Variants in ASAP1 observed in about 807,000 individuals in gnomAD.
The protein encoded by ASAP1 is ArfGAP with SH3 domain, ankyrin repeat and PH domain 1.
In ASAP1, 43 loss-of-function variants were observed where a neutral mutation model predicts 145.2. The observed-to-expected ratio is 0.30, with a 90% CI of 0.23 to 0.38. The LOEUF (loss-of-function observed/expected upper bound fraction) is 0.38. Ranked by LOEUF, ASAP1 falls within the 10% of genes least tolerant of loss-of-function variation. The pLI, the probability that ASAP1 is intolerant of heterozygous loss-of-function variation, is 1.00. For synonymous variants in ASAP1, 546 were observed against 515.5 expected (o/e 1.06, Z -0.80); for missense variants, 1,018 against 1,355.3 (o/e 0.75, Z 3.91).
At chr8:130,112,371 A>G (rs781728885) in intron 23 of ASAP1, 49 bp from the exon 24 acceptor site, 35 of 1,557,032 alleles carry the variant, frequency 2.2e-5, no homozygotes, top group Middle Eastern at 1.7e-4. Flanking sequence ...ACCACCCTTC[A>G]TGTGTACAGA....
At chr8:130,097,160 A>C (rs1042758957) in intron 24 of ASAP1, among the ~76,000 whole-genome samples, 4 of 133,936 alleles carry the variant, frequency 3.0e-5, no homozygotes, top group Non-Finnish European at 6.3e-5. Context: ...AAAAAAAAAA[A>C]AGTCCTTGAA....
At chr8:130,426,975 C>T (rs1034026236) in intron 1 of ASAP1, among the ~76,000 whole-genome samples, 9 of 152,256 alleles carry the variant, frequency 5.9e-5, no homozygotes, top group African/African-American at 1.7e-4. Context: ...AGAATACCAC[C>T]GGCATGCAAT....
At chr8:130,174,841 A>G (rs557671295) in intron 9 of ASAP1, among the ~76,000 whole-genome samples, 2 of 152,372 alleles carry the variant, frequency 1.3e-5, no homozygotes, top group South Asian at 4.1e-4. Context: ...CACATTCAGC[A>G]TTGTGGCTGA....
rs761366499 is a variant in ASAP1, at chr8:130,118,667, C to T, written c.1616G>A (p.Arg539Gln). 1.2e-6 allele frequency: 2 copies of T among 1,607,346 alleles called. No homozygotes were observed. Among genetic ancestry groups the T allele is most frequent in the Non-Finnish European group, 8.5e-7 (1 of 1,175,558 alleles). ...ATACTTTGCAGTGATATATTCTTTT[C>T]GTACAGTCCTAAAACAGAACAAAAT... ...KPTPSSDMTV[R>Q]KEYITAKYVD... Residue 539 changes from arginine to glutamine, a missense_variant, in exon 19 of 30, where the codon CGA becomes CAA. Around this residue, in one of 9 missense-constraint regions of ASAP1, gnomAD observed 153 missense variants for 221.6 expected, o/e 0.69. Transcript: ENST00000518721.
intron 3 of ASAP1, among the ~76,000 whole-genome samples, chr8:130,279,655 T>C (rs1389555816): frequency 6.6e-6 from 1 of 152,226 alleles, no homozygotes; most frequent in East Asian, 1.9e-4. Context: ...TAGACTTGAC[T>C]AGATAATTTC....
intron 1 of ASAP1, among the ~76,000 whole-genome samples, chr8:130,440,993 C>CA (rs1436095558): frequency 6.6e-6 from 1 of 152,224 alleles, no homozygotes; most frequent in East Asian, 1.9e-4. Flanking sequence ...TCCAGAAGGG[C>CA]AGTGCCAGGT....
At position 130,256,738 on chromosome 8, in the gene ASAP1, CTTATATATATATATATATATAT is replaced by C. The variant is rs1385608683; in HGVS notation, c.187-19766_187-19745del. ...AATCTTCTTCCTGAATATACACATT[CTTATATATATATATATATATAT>C]ATATATATATATATATATATATCCT... On this transcript the variant is annotated intron_variant, in intron 3 of 29. Transcript: ENST00000518721. Among the ~76,000 whole-genome samples, 70 of 70,820 alleles carry C rather than the reference CTTATATATATATATATATATAT, an allele frequency of 9.9e-4. 2 individuals carry two copies. Among genetic ancestry groups the C allele is most frequent in the African/African-American group, 3.6e-3 (55 of 15,252 alleles). 46.5% of individuals were successfully genotyped at this position (70,820 alleles called of 152,430 possible). A position where few individuals can be genotyped will look rare whatever the true frequency, so the allele number is the denominator to read the frequency against.
intron 1 of ASAP1, 50 bp from the exon 2 acceptor site, chr8:130,402,020 GGGCA>G: frequency 7.9e-7 from 1 of 1,260,166 alleles, no homozygotes; most frequent in Non-Finnish European, 1.1e-6. Context: ...CGGTGAAACT[GGGCA>G]GAAGACATTG....
At chr8:130,173,199 G>A (rs1367845692) in intron 9 of ASAP1, among the ~76,000 whole-genome samples, 1 of 152,222 alleles carries the variant, frequency 6.6e-6, no homozygotes, top group Non-Finnish European at 1.5e-5. Flanking sequence ...GTAAGAAATA[G>A]GAGCAGGAAA....
chr8:130,066,435 T>C (rs1301825143), intron 27 of ASAP1, among the ~76,000 whole-genome samples: 2 of 152,156 alleles, frequency 1.3e-5, no homozygotes, highest in Non-Finnish European at 2.9e-5. Context: ...GGTCTTGAAC[T>C]CCTGGGCTCA....
intron 26 of ASAP1, among the ~76,000 whole-genome samples, chr8:130,076,890 A>C (rs934031735): frequency 6.6e-6 from 1 of 151,358 alleles, no homozygotes; most frequent in African/African-American, 2.4e-5. Context: ...AGGCACAGTA[A>C]AAGGATGAAA....
chr8:130,404,863 T>C (rs1397938064), intron 1 of ASAP1, among the ~76,000 whole-genome samples: 2 of 152,158 alleles, frequency 1.3e-5, no homozygotes, highest in Non-Finnish European at 2.9e-5. Context: ...TGCCCTCTTA[T>C]GATGCACCAC....
chr8:130,350,109 T>C (rs537139093), intron 3 of ASAP1, among the ~76,000 whole-genome samples: 1 of 152,366 alleles, frequency 6.6e-6, no homozygotes, highest in South Asian at 2.1e-4. Flanking sequence ...GGAAAGCTAC[T>C]GCGGCCTCGC....
chr8:130,418,181 A>AT (rs1214351464), intron 1 of ASAP1, among the ~76,000 whole-genome samples: 5 of 152,192 alleles, frequency 3.3e-5, no homozygotes, highest in African/African-American at 1.2e-4. Context: ...GAATAGGAGC[A>AT]TAAGTCTTTC....
At chr8:130,111,209 C>T (rs567947382) in intron 24 of ASAP1, among the ~76,000 whole-genome samples, 8 of 52,592 alleles carry the variant, frequency 1.5e-4, no homozygotes, top group Non-Finnish European at 2.8e-4. Context: ...CTCATCTCTA[C>T]CAAAAAAAAA....
At chr8:130,205,717 T>C (rs1816177304) in intron 5 of ASAP1, among the ~76,000 whole-genome samples, 1 of 151,814 alleles carries the variant, frequency 6.6e-6, no homozygotes, top group Admixed American at 6.6e-5. Flanking sequence ...TCAGACTTCA[T>C]GTGAATATTC....
chr8:130,109,650 G>GA (rs1354786265), intron 24 of ASAP1, among the ~76,000 whole-genome samples: 3 of 151,698 alleles, frequency 2.0e-5, no homozygotes, highest in East Asian at 1.9e-4. Flanking sequence ...AGAAGGAAAT[G>GA]AAAAAAAACA....
At chr8:130,392,980 C>T (rs796781114) in intron 2 of ASAP1, among the ~76,000 whole-genome samples, 13 of 152,132 alleles carry the variant, frequency 8.5e-5, no homozygotes, top group African/African-American at 3.1e-4. Context: ...ACCATGGCAC[C>T]GAGGCACACA....
chr8:130,305,076 C>T (rs1174888557), intron 3 of ASAP1, among the ~76,000 whole-genome samples: 14 of 152,140 alleles, frequency 9.2e-5, no homozygotes, highest in Admixed American at 8.5e-4. Context: ...TTCGTGCTGT[C>T]GGACCCCCAC....
Sources: gnomAD v4.1 joint callset for allele counts (sites outside exome capture counted in the v4.1 genomes callset) on GRCh38, gnomAD v4.1.1 for gene constraint, gnomAD v4.1.1 regional missense constraint, MANE v1.5 for transcripts, NCBI Gene and HGNC (gene_info 2026-07-23, HGNC 2026-07-21) for gene names.